The following FRMPD4 variants were observed in gnomAD, a reference collection of about 807,000 sequenced individuals.
FRMPD4 encodes the protein FERM and PDZ domain containing 4, also known as FERM and PDZ domain-containing protein 4.
Under a neutral mutation model 94.1 loss-of-function variants are expected in FRMPD4, and 22 were observed. That is an observed-to-expected ratio of 0.23 (90% CI 0.17 to 0.33). FRMPD4 has a LOEUF of 0.33. FRMPD4 is among the 10% of genes least tolerant of loss of function. FRMPD4 has a pLI of 1.00. For synonymous variants in FRMPD4, 631 were observed against 548.6 expected (o/e 1.15, Z -2.10); for missense variants, 1,111 against 1,339.9 (o/e 0.83, Z 2.67).
chrX:12,321,243 G>A (rs1183064040), intron 1 of FRMPD4, among the ~76,000 whole-genome samples: 1 of 111,767 alleles, frequency 8.9e-6, no homozygotes, highest in African/African-American at 3.3e-5. Flanking sequence ...GGGTGGCTAA[G>A]AGTTTTCATA....
intron 4 of FRMPD4, among the ~76,000 whole-genome samples, chrX:12,626,477 T>A (rs1212111655): frequency 2.8e-5 from 3 of 106,916 alleles, no homozygotes; most frequent in Non-Finnish European, 5.8e-5. Context: ...ATCAGCAGAT[T>A]TCTCAGCAGA....
intron 1 of FRMPD4, among the ~76,000 whole-genome samples, chrX:12,482,822 G>T (rs909370901): frequency 8.9e-6 from 1 of 111,845 alleles, no homozygotes; most frequent in Non-Finnish European, 1.9e-5. Flanking sequence ...TTGGAAATCT[G>T]CTGTGTATTT....
chrX:12,110,419 T>C (rs1039305171), intron 3 of FRMPD4, among the ~76,000 whole-genome samples: 5 of 112,008 alleles, frequency 4.5e-5, no homozygotes, highest in African/African-American at 1.6e-4. Flanking sequence ...GGGACGTATC[T>C]CAAAATAATA....
Position 12,233,471 on chromosome X carries a change from G to T in FRMPD4, c.41+94459G>T, listed in dbSNP as rs180744842. ...GCTCAGTTTGAATCAATATCTTTCT[G>T]GAACTCTTTTATTAGGTCTTATTTT... On this transcript the variant is annotated intron_variant, in intron 1 of 16. Coordinates refer to ENST00000675598, the MANE Select transcript of FRMPD4 (RefSeq NM_001368397.1). Among the ~76,000 whole-genome samples, 4 of 111,432 alleles carry T rather than the reference G, an allele frequency of 3.6e-5. No homozygotes were observed. The East Asian group carries it at 1.1e-3, about 31-fold the overall frequency.
intron 1 of FRMPD4, among the ~76,000 whole-genome samples, chrX:12,164,952 C>G (rs1249518231): frequency 8.9e-6 from 1 of 111,919 alleles, no homozygotes; most frequent in Non-Finnish European, 1.9e-5. Flanking sequence ...GATATTAGCC[C>G]TTTGTCAGAT....
In FRMPD4 at chrX:11,896,143, T is replaced by A. The variant is rs762722637; in HGVS notation, c.95+18125T>A. 5.3e-5 allele frequency among the ~76,000 whole-genome samples: 6 copies of A among 112,395 alleles called. No homozygotes were observed. In the East Asian group the frequency reaches 1.7e-3, roughly 31 times the overall value. On this transcript the variant is annotated intron_variant, in intron 3 of 18. Transcript: ENST00000640291. Reference sequence around the variant, plus strand: ...TCTTGAGCTCTTTAGGCTATCATAGTTTCAGATAATTCAATTAGCTTTCCT... The same window carrying A: ...TCTTGAGCTCTTTAGGCTATCATAGATTCAGATAATTCAATTAGCTTTCCT...
At position 12,402,510 on chromosome X, in the gene FRMPD4, C is replaced by G. The variant is rs758988515; in HGVS notation, c.42-96170C>G. Among the ~76,000 whole-genome samples, 13 of 111,999 alleles carry G rather than the reference C, an allele frequency of 1.2e-4. No individual in the cohort carries two copies. In the South Asian group the frequency reaches 4.5e-3, roughly 38 times the overall value. On this transcript the variant is annotated intron_variant, in intron 1 of 16. Transcript: ENST00000675598. ...GGATTCCTTCTTGTCTCCTTTCTCT[C>G]CCTCATCACTTCCTAAAATCTCATC...
chrX:12,427,817 T>C (rs1182363208), intron 1 of FRMPD4, among the ~76,000 whole-genome samples: 1 of 110,739 alleles, frequency 9.0e-6, no homozygotes, highest in Non-Finnish European at 1.9e-5. Flanking sequence ...TAAGTCACTT[T>C]TTTGATTCAT....
chrX:12,416,234 CT>C (rs1382401914), intron 1 of FRMPD4, among the ~76,000 whole-genome samples: 1 of 107,360 alleles, frequency 9.3e-6, no homozygotes, highest in Non-Finnish European at 1.9e-5. Context: ...TTCTTTCTTT[CT>C]TTTTTTGGAT....
At chrX:12,709,971 T>C (rs2041951832) in intron 13 of FRMPD4, among the ~76,000 whole-genome samples, 2 of 110,496 alleles carry the variant, frequency 1.8e-5, no homozygotes, top group South Asian at 7.9e-4. Flanking sequence ...CTACTAAAAA[T>C]ACAAAAATTA....
intron 1 of FRMPD4, among the ~76,000 whole-genome samples, chrX:12,413,740 G>A (rs775182544): frequency 3.6e-5 from 4 of 111,964 alleles, no homozygotes; most frequent in African/African-American, 9.7e-5. Flanking sequence ...TAGGTTCCTG[G>A]AACATTGTGG....
intron 3 of FRMPD4, among the ~76,000 whole-genome samples, chrX:11,957,245 G>T (rs2147370130): frequency 8.9e-6 from 1 of 111,899 alleles, no homozygotes; most frequent in South Asian, 3.7e-4. Flanking sequence ...CCAACAAAAT[G>T]TCACAACCAT....
intron 1 of FRMPD4, among the ~76,000 whole-genome samples, chrX:12,206,014 G>A (rs2056688297): frequency 8.9e-6 from 1 of 111,845 alleles, no homozygotes. Flanking sequence ...GAAACATTTG[G>A]TACATAACTT....
intron 2 of FRMPD4, among the ~76,000 whole-genome samples, chrX:12,548,614 C>G (rs934406512): frequency 8.9e-6 from 1 of 112,712 alleles, no homozygotes; most frequent in Admixed American, 9.4e-5. Context: ...CAAGGTGTCA[C>G]TAAGGCACAG....
chrX:11,978,321 C>CAAAAAAAAAAAAAAAAAAAAA (rs1172824155), intron 3 of FRMPD4, among the ~76,000 whole-genome samples: 2 of 16,353 alleles, frequency 1.2e-4, no homozygotes, highest in African/African-American at 2.2e-4. Flanking sequence ...AACTCCATCT[C>CAAAAAAAAAAAAAAAAAAAAA]AAAAAAAAAA....
intron 5 of FRMPD4, among the ~76,000 whole-genome samples, chrX:12,679,162 C>T (rs1317384903): frequency 8.9e-6 from 1 of 111,738 alleles, no homozygotes. Flanking sequence ...GTGGGCTCTT[C>T]CTGGCCCCAG....
intron 1 of FRMPD4, among the ~76,000 whole-genome samples, chrX:11,837,072 G>A (rs755415174): frequency 9.0e-6 from 1 of 111,443 alleles, no homozygotes; most frequent in East Asian, 2.8e-4. Context: ...CAAGTAAAAA[G>A]ATATGAGCCC....
intron 1 of FRMPD4, among the ~76,000 whole-genome samples, chrX:12,206,487 G>A (rs1232906718): frequency 8.9e-6 from 1 of 111,743 alleles, no homozygotes; most frequent in Non-Finnish European, 1.9e-5. Context: ...TAGCAGTGGG[G>A]CATATGGGCA....
intron 1 of FRMPD4, among the ~76,000 whole-genome samples, chrX:12,147,514 T>A (rs751073215): frequency 1.5e-4 from 17 of 112,400 alleles, no homozygotes; most frequent in Non-Finnish European, 3.0e-4. Context: ...TATTCTTGTA[T>A]GACACTGTGT....
Sources: allele counts gnomAD v4.1 joint callset (sites outside exome capture counted in the v4.1 genomes callset), GRCh38; gene constraint gnomAD v4.1.1; transcripts MANE v1.5; gene names NCBI Gene and HGNC (gene_info 2026-07-23, HGNC 2026-07-21).